UBE2K: variants seen among roughly 807,000 people sequenced by gnomAD.
The protein encoded by UBE2K is ubiquitin-conjugating enzyme E2 K.
UBE2K carries 6 observed loss-of-function variants against 30.0 expected under a neutral mutation model. The observed-to-expected ratio is 0.20, with a 90% CI of 0.11 to 0.39. UBE2K has a LOEUF of 0.39. Among genes scored for constraint, UBE2K ranks in the 10% least tolerant of loss-of-function variants. The pLI is 1.00. For synonymous variants in UBE2K, 86 were observed against 83.7 expected (o/e 1.03, Z -0.15); for missense variants, 61 against 241.6 (o/e 0.25, Z 4.96).
intron 1 of UBE2K, among the ~76,000 whole-genome samples, chr4:39,707,872 A>G (rs1718453683): frequency 6.6e-6 from 1 of 150,748 alleles, no homozygotes; most frequent in Non-Finnish European, 1.5e-5. Flanking sequence ...ATTTCAGGAG[A>G]CAGTCCCAAA....
intron 1 of UBE2K, among the ~76,000 whole-genome samples, chr4:39,704,294 A>T (rs1027939459): frequency 6.6e-6 from 1 of 151,930 alleles, no homozygotes; most frequent in African/African-American, 2.4e-5. Flanking sequence ...TTTTATTTTT[A>T]TTTTATTTTT....
rs537083915 is a variant in UBE2K at position 39,698,381 on chromosome 4, G to A, written c.54G>A (p.Lys18=). 75 of 1,612,620 alleles carry A rather than the reference G, an allele frequency of 4.7e-5. No homozygotes were observed. Among genetic ancestry groups the A allele is most frequent in the Non-Finnish European group, 6.3e-5 (74 of 1,179,540 alleles). ...AGCGGGAGTTCAAGGAGGTGCTGAA[G>A]AGCGAGGAGGTCAGAAATGAACTCC... ...RIKREFKEVL[K]SEETSKNQIK... is the part of the protein sequence containing the mutation. Residue 18 remains lysine, a synonymous_variant, in exon 1 of 7, where the codon AAG becomes AAA. Transcript: ENST00000261427.
intron 2 of UBE2K, among the ~76,000 whole-genome samples, chr4:39,742,311 C>T (rs955052876): frequency 1.3e-5 from 2 of 151,964 alleles, no homozygotes; most frequent in Non-Finnish European, 2.9e-5. Context: ...AAAATTTCTT[C>T]AGGTACCCTT....
At chr4:39,729,960 A>G (rs753538650) in intron 1 of UBE2K, among the ~76,000 whole-genome samples, 4 of 152,216 alleles carry the variant, frequency 2.6e-5, no homozygotes, top group Non-Finnish European at 5.9e-5. Flanking sequence ...TCTTCATAGT[A>G]TCCTGTACTT....
chr4:39,719,711 T>G (rs1250041477), intron 1 of UBE2K, among the ~76,000 whole-genome samples: 1 of 152,214 alleles, frequency 6.6e-6, no homozygotes, highest in Non-Finnish European at 1.5e-5. Context: ...TCATACCCAA[T>G]TTTGGGTTGT....
intron 4 of UBE2K, among the ~76,000 whole-genome samples, chr4:39,774,486 C>G (rs1713160640): frequency 1.3e-5 from 2 of 148,680 alleles, no homozygotes; most frequent in South Asian, 4.3e-4. Context: ...TAAGGCGGGC[C>G]CCTGTAGTCT....
chr4:39,713,409 C>T (rs1383483483), intron 1 of UBE2K, among the ~76,000 whole-genome samples: 2 of 149,542 alleles, frequency 1.3e-5, no homozygotes, highest in African/African-American at 2.5e-5. Flanking sequence ...CTGCCCATCT[C>T]GGCATCCCAA....
chr4:39,707,764 C>T (rs975346508), intron 1 of UBE2K, among the ~76,000 whole-genome samples: 3 of 151,832 alleles, frequency 2.0e-5, no homozygotes, highest in Non-Finnish European at 4.4e-5. Flanking sequence ...AAGCAGTCCT[C>T]CTGCCTCAGC....
At chr4:39,714,550 A>ATATATATATATATATATTTTTT in intron 1 of UBE2K, 5 of 17,850 alleles carry the variant, frequency 2.8e-4, no homozygotes, top group Admixed American at 1.6e-3. Flanking sequence ...ATATATATAT[A>ATATATATATATATATATTTTTT]TTTTTTTTTT....
chr4:39,777,619 A>AG, intron 5 of UBE2K, 63 bp from the exon 6 acceptor site: 1 of 1,400,110 alleles, frequency 7.1e-7, no homozygotes. Context: ...GGCGATTAAG[A>AG]GCTGAAATAT....
At chr4:39,760,494 A>C (rs961322412) in intron 4 of UBE2K, among the ~76,000 whole-genome samples, 1 of 152,216 alleles carries the variant, frequency 6.6e-6, no homozygotes, top group Non-Finnish European at 1.5e-5. Flanking sequence ...TGACACAAAC[A>C]ACATGGATGA....
rs1713657878 is a variant in UBE2K at position 39,782,256 on chromosome 4, T to G, written c.*3822T>G. The G allele has an allele frequency of 3.1e-6, 1 of 327,210 alleles. No individual in the cohort carries two copies. The highest frequency in any genetic ancestry group is 5.5e-6 in the Non-Finnish European group (1 of 180,988). The allele number at this position is 327,210 out of a possible 1,614,324, so 20.3% of individuals were successfully genotyped here. On this transcript the variant is annotated 3_prime_UTR_variant, in exon 7 of 7. Coordinates refer to ENST00000261427, the MANE Select transcript of UBE2K (RefSeq NM_005339.5). ...TGTGAGTGGATAGAAATCATTACAC[T>G]GTGCTGTTAACGATCCTTGTCTGCT...
At chr4:39,713,412 C>T (rs1320862218) in intron 1 of UBE2K, among the ~76,000 whole-genome samples, 1 of 150,064 alleles carries the variant, frequency 6.7e-6, no homozygotes, top group Non-Finnish European at 1.5e-5. Context: ...CCCATCTCGG[C>T]ATCCCAAAGT....
intron 1 of UBE2K, among the ~76,000 whole-genome samples, chr4:39,723,648 G>A (rs1264579276): frequency 1.3e-5 from 2 of 152,054 alleles, no homozygotes; most frequent in Admixed American, 6.6e-5. Context: ...GATTACAGGC[G>A]TGAGCCACTG....
chr4:39,760,195 GAAAAA>G (rs71194914), intron 4 of UBE2K, among the ~76,000 whole-genome samples: 35 of 102,602 alleles, frequency 3.4e-4, no homozygotes, highest in African/African-American at 1.3e-3. Flanking sequence ...AAAAAAAACA[GAAAAA>G]AAAAAAAAAA....
At chr4:39,748,228 C>T (rs958329674) in intron 3 of UBE2K, among the ~76,000 whole-genome samples, 1 of 152,058 alleles carries the variant, frequency 6.6e-6, no homozygotes, top group African/African-American at 2.4e-5. Context: ...CCCACCTCAT[C>T]CCCACTTTTT....
At chr4:39,757,703 T>C (rs1479285815) in intron 4 of UBE2K, among the ~76,000 whole-genome samples, 1 of 152,200 alleles carries the variant, frequency 6.6e-6, no homozygotes, top group African/African-American at 2.4e-5. Context: ...TTTTAATCCA[T>C]TAGGTTATCG....
intron 1 of UBE2K, among the ~76,000 whole-genome samples, chr4:39,722,289 G>A (rs867264603): frequency 9.9e-5 from 15 of 152,040 alleles, no homozygotes; most frequent in Non-Finnish European, 1.8e-4. Context: ...TAGGTGTAAA[G>A]GTTTGATTAG....
chr4:39,716,289 A>C (rs1719053973), intron 1 of UBE2K, among the ~76,000 whole-genome samples: 1 of 144,658 alleles, frequency 6.9e-6, no homozygotes, highest in Non-Finnish European at 1.5e-5. Flanking sequence ...TCTATCATCC[A>C]GGCTGGGGTG....
Sources: gnomAD v4.1 joint callset for allele counts (sites outside exome capture counted in the v4.1 genomes callset) on GRCh38, gnomAD v4.1.1 for gene constraint, MANE v1.5 for transcripts, NCBI Gene and HGNC (gene_info 2026-07-23, HGNC 2026-07-21) for gene names.